Variants in ATR observed in about 807,000 individuals in gnomAD.
The protein encoded by ATR is serine/threonine-protein kinase ATR.
A neutral mutation model predicts 305.3 loss-of-function variants in ATR; 142 were observed. The observed-to-expected ratio is 0.47, with a 90% CI of 0.41 to 0.53. ATR has a LOEUF of 0.53. Among genes scored for constraint, ATR ranks in the 20% least tolerant of loss-of-function variants. ATR has a pLI of 0.00. For missense variants in ATR, 2,135 were observed against 3,133.1 expected, an observed-to-expected ratio of 0.68 and a Z score of 7.60; for synonymous variants, 1,050 against 1,068.1, an observed-to-expected ratio of 0.98 and a Z score of 0.33.
At position 142,550,217 on chromosome 3, in the gene ATR, A is replaced by G; in HGVS notation, c.2891T>C (p.Val964Ala). ...TAAAGCCATTTCTCTCTGGTGAGCCACATCTTGTTTTCGCACGTCAGCATT... is the reference window on the plus strand; with the variant it reads ...TAAAGCCATTTCTCTCTGGTGAGCCGCATCTTGTTTTCGCACGTCAGCATT... ...CQNADVRKQD[V>A]AHQREMALNT... The change falls in exon 14 of 47, where the codon GTG (valine) becomes GCG (alanine). Residue 964 changes from valine to alanine, a missense_variant. Around this residue, in one of 9 missense-constraint regions of ATR, gnomAD observed 530 missense variants for 766.8 expected, o/e 0.69. Coordinates refer to ENST00000350721, the MANE Select transcript of ATR (RefSeq NM_001184.4). The G allele has an allele frequency of 6.2e-7, 1 of 1,614,192 alleles. No individual in the cohort carries two copies. Among genetic ancestry groups the G allele is most frequent in the Non-Finnish European group, 8.5e-7 (1 of 1,180,014 alleles).
intron 36 of ATR, chr3:142,472,010 A>G (rs1181435932): frequency 6.6e-6 from 1 of 152,080 alleles, no homozygotes; most frequent in Non-Finnish European, 1.5e-5. Context: ...TACTTCACTT[A>G]GAATAATCTC....
In ATR at chr3:142,474,286, T is replaced by C. The variant is rs916552549; in HGVS notation, c.6222-4103A>G. Among the ~76,000 whole-genome samples, 3 of 152,292 alleles carry C rather than the reference T, an allele frequency of 2.0e-5. No individual in the cohort carries two copies. The South Asian group carries it at 6.2e-4, about 32-fold the overall frequency. On this transcript the variant is annotated intron_variant, in intron 36 of 46. Coordinates refer to ENST00000350721, the MANE Select transcript of ATR (RefSeq NM_001184.4). ...GAAAGAAAGAATAAGCTATTGGAAT[T>C]CTGATAGAAACTACATTGAATCTGT...
intron 1 of ATR, among the ~76,000 whole-genome samples, chr3:142,570,076 C>G (rs910137000): frequency 3.3e-5 from 5 of 152,150 alleles, no homozygotes; most frequent in African/African-American, 1.2e-4. Flanking sequence ...TGTATATCTT[C>G]TTTGGAGAAA....
intron 34 of ATR, 133 bp from the exon 35 acceptor site, chr3:142,493,444 T>G: frequency 9.5e-7 from 1 of 1,051,204 alleles, no homozygotes; most frequent in East Asian, 2.6e-5. Context: ...TGCCTCTTAT[T>G]AAAGTAAAAT....
intron 24 of ATR, among the ~76,000 whole-genome samples, chr3:142,517,515 C>T (rs2032919452): frequency 6.6e-6 from 1 of 152,094 alleles, no homozygotes; most frequent in African/African-American, 2.4e-5. Flanking sequence ...GTTTTTCATA[C>T]AAAAGGGAAT....
intron 16 of ATR, among the ~76,000 whole-genome samples, chr3:142,543,047 T>A (rs2034114132): frequency 6.6e-6 from 1 of 152,050 alleles, no homozygotes; most frequent in Admixed American, 6.6e-5. Context: ...TGAACTGGGG[T>A]GGGATCCTCA....
chr3:142,533,698 T>C (rs1302434329), intron 21 of ATR, among the ~76,000 whole-genome samples: 1 of 152,196 alleles, frequency 6.6e-6, no homozygotes, highest in African/African-American at 2.4e-5. Context: ...ATTTATCCAG[T>C]TATAGATGCT....
Position 142,542,497 on chromosome 3 carries a change from G to A in ATR, c.3450+168C>T, listed in dbSNP as rs11920625. ...CCCTCCTAAACTAAAGAAATGAAAC[G>A]AATACAATTCCAATTTTTAGACTCC... On this transcript the variant is annotated intron_variant, in intron 17 of 46. Coordinates refer to ENST00000350721, the MANE Select transcript of ATR (RefSeq NM_001184.4). 0.062 allele frequency among the ~76,000 whole-genome samples: 9,438 copies of A among 152,146 alleles called. 414 individuals are homozygous for A. Among genetic ancestry groups the A allele is most frequent in the Middle Eastern group, 0.099 (29 of 294 alleles).
intron 1 of ATR, among the ~76,000 whole-genome samples, chr3:142,572,691 C>A (rs2035314240): frequency 1.3e-5 from 2 of 152,030 alleles, no homozygotes. Context: ...GGGAGGATCG[C>A]TTGAGCCTGG....
chr3:142,554,092 A>C, intron 10 of ATR, 77 bp from the exon 11 acceptor site: 2 of 1,220,714 alleles, frequency 1.6e-6, no homozygotes, highest in Non-Finnish European at 2.3e-6. Flanking sequence ...TTGTCAACAA[A>C]TAATATGCCA....
At chr3:142,549,380 G>T in intron 15 of ATR, 99 bp downstream of exon 15, 1 of 775,068 alleles carries the variant, frequency 1.3e-6, no homozygotes, top group African/African-American at 1.8e-5. Flanking sequence ...TTCTAGGATA[G>T]GCTATAATTT....
chr3:142,519,691 G>C lies in ATR; in HGVS notation c.4360C>G (p.Leu1454Val). 6.2e-7 allele frequency: 1 copy of C among 1,613,078 alleles called. No homozygotes were observed. Among genetic ancestry groups the C allele is most frequent in the Non-Finnish European group, 8.5e-7 (1 of 1,179,066 alleles). Residue 1454 changes from leucine to valine, a missense_variant, in exon 24 of 47, where the codon CTA becomes GTA. Around this residue, in one of 9 missense-constraint regions of ATR, gnomAD observed 202 missense variants for 252.9 expected, o/e 0.80. Coordinates refer to ENST00000350721, the MANE Select transcript of ATR (RefSeq NM_001184.4). ...RRFPEHVREI[L>V]EPHLNTRYKS... is the part of the protein sequence containing the mutation. ...TACCTGGTATTTAGATGAGGTTCTA[G>C]TATTTCCCGAACATGCTCAGGAAAT...
In ATR at chr3:142,558,612, G is replaced by C; in HGVS notation, c.1885+12C>G. 2 of 1,607,890 alleles carry C rather than the reference G, an allele frequency of 1.2e-6. No homozygotes were observed. The highest frequency in any genetic ancestry group is 1.7e-6 in the Non-Finnish European group (2 of 1,175,848). ...TAAAACAAACCACACACACATTCTT[G>C]TGAGCACTTACAATAGCTATCTGAA... On this transcript the variant is annotated intron_variant, in intron 8 of 46. Transcript: ENST00000350721.
At chr3:142,472,585 C>T (rs551422886) in intron 36 of ATR, among the ~76,000 whole-genome samples, 2 of 152,124 alleles carry the variant, frequency 1.3e-5, no homozygotes, top group East Asian at 3.9e-4. Context: ...AATATGTCTG[C>T]TCAGACCCTT....
At chr3:142,483,482 G>A (rs2030681341) in intron 36 of ATR, among the ~76,000 whole-genome samples, 1 of 152,100 alleles carries the variant, frequency 6.6e-6, no homozygotes. Flanking sequence ...TCATTTTCAT[G>A]TATATATATT....
At chr3:142,525,347 T>A (rs945561468) in intron 21 of ATR, among the ~76,000 whole-genome samples, 2 of 152,206 alleles carry the variant, frequency 1.3e-5, no homozygotes, top group African/African-American at 4.8e-5. Flanking sequence ...CATAACCTTT[T>A]TTTTTACAGG....
At chr3:142,536,011 C>T (rs2033845092) in intron 20 of ATR, 97 bp downstream of exon 20, 9 of 869,524 alleles carry the variant, frequency 1.0e-5, no homozygotes, top group Admixed American at 9.6e-5. Flanking sequence ...TATATTATCC[C>T]TAGATATGAT....
chr3:142,500,451 T>C (rs1249584985), intron 30 of ATR, among the ~76,000 whole-genome samples: 1 of 152,212 alleles, frequency 6.6e-6, no homozygotes, highest in East Asian at 1.9e-4. Context: ...GTTTCTTTTT[T>C]ATTAATCATA....
chr3:142,532,908 A>G (rs1288386834), intron 21 of ATR, among the ~76,000 whole-genome samples: 2 of 152,206 alleles, frequency 1.3e-5, no homozygotes, highest in Admixed American at 1.3e-4. Flanking sequence ...CTCTTATCTT[A>G]TGCCAGTTTC....
Sources: gnomAD v4.1 joint callset for allele counts (sites outside exome capture counted in the v4.1 genomes callset) on GRCh38, gnomAD v4.1.1 for gene constraint, gnomAD v4.1.1 regional missense constraint, MANE v1.5 for transcripts, NCBI Gene and HGNC (gene_info 2026-07-23, HGNC 2026-07-21) for gene names.